SHROOM2: variants seen among roughly 807,000 people sequenced by gnomAD.
SHROOM2 encodes protein Shroom2.
SHROOM2 carries 33 observed loss-of-function variants against 75.9 expected under a neutral mutation model. That is an observed-to-expected ratio of 0.43 (90% CI 0.33 to 0.58). SHROOM2 has a LOEUF of 0.58. SHROOM2 is among the 20% of genes least tolerant of loss of function. The probability of loss-of-function intolerance (pLI) is 0.04; values close to 1 mark genes in which losing one functional copy is unlikely to be tolerated. For synonymous variants in SHROOM2, 655 were observed against 663.6 expected (o/e 0.99, Z 0.20); for missense variants, 1,434 against 1,461.2 (o/e 0.98, Z 0.30).
At chrX:9,912,413 G>A (rs1034807737) in intron 5 of SHROOM2, 2 of 111,804 alleles carry the variant, frequency 1.8e-5, no homozygotes, top group Non-Finnish European at 3.8e-5. Context: ...GAAGGTTGAC[G>A]GAGCCTGCGT....
intron 1 of SHROOM2, among the ~76,000 whole-genome samples, chrX:9,808,875 T>C (rs1038510188): frequency 3.6e-5 from 4 of 110,364 alleles, no homozygotes; most frequent in East Asian, 2.9e-4. Flanking sequence ...AAAAAAATAA[T>C]AAAAATAAAT....
intron 5 of SHROOM2, among the ~76,000 whole-genome samples, chrX:9,915,875 C>T (rs1017204015): frequency 8.9e-6 from 1 of 111,824 alleles, no homozygotes; most frequent in South Asian, 3.7e-4. Context: ...TTTGGGGTCA[C>T]GTGCAATTGT....
intron 1 of SHROOM2, among the ~76,000 whole-genome samples, chrX:9,857,447 T>G (rs2084077724): frequency 9.1e-6 from 1 of 109,417 alleles, no homozygotes; most frequent in Admixed American, 9.8e-5. Context: ...TGCAGAGTGG[T>G]GCAGTCACGG....
chrX:9,833,987 CA>C (rs1569144985), intron 1 of SHROOM2, among the ~76,000 whole-genome samples: 1 of 110,737 alleles, frequency 9.0e-6, no homozygotes, highest in African/African-American at 3.3e-5. Context: ...CTGAGGTTCC[CA>C]TCTACACTAG....
intron 1 of SHROOM2, among the ~76,000 whole-genome samples, chrX:9,794,114 G>A (rs2083681997): frequency 1.8e-5 from 2 of 111,785 alleles, no homozygotes; most frequent in South Asian, 7.5e-4. Flanking sequence ...TGCTATCACT[G>A]CTGAGTCTGG....
chrX:9,875,183 G>C (rs2084193831), intron 2 of SHROOM2, among the ~76,000 whole-genome samples: 1 of 103,142 alleles, frequency 9.7e-6, no homozygotes, highest in Non-Finnish European at 2.0e-5. Context: ...TGCTATTCCT[G>C]AGCACCCTTT....
chrX:9,923,839 C>A (rs1326798062), intron 5 of SHROOM2, among the ~76,000 whole-genome samples: 1 of 112,268 alleles, frequency 8.9e-6, no homozygotes, highest in Non-Finnish European at 1.9e-5. Context: ...TGATTTGGAT[C>A]ATCTGTGCTT....
rs1486512792 is a variant in SHROOM2, at chrX:9,895,663, C to T, written c.1755C>T (p.Pro585=). The T allele has an allele frequency of 6.0e-6, 7 of 1,171,401 alleles. No homozygotes were observed. The highest frequency in any genetic ancestry group is 8.0e-6 in the Non-Finnish European group (7 of 879,150). ...GCAGGATCTGCCCGCAGGAGACGCC[C>T]CTGTTGCACTCCCTGACCCAGGAGG... ...ESSRICPQET[P]LLHSLTQEGK... The change falls in exon 4 of 10, where the codon CCC becomes CCT. Residue 585 remains proline (P), a synonymous_variant. Transcript: ENST00000380913.
chrX:9,838,925 G>A (rs1025721246), intron 1 of SHROOM2, among the ~76,000 whole-genome samples: 7 of 111,513 alleles, frequency 6.3e-5, no homozygotes, highest in African/African-American at 2.3e-4. Flanking sequence ...TGGTTGCCTG[G>A]GGCTGTGGTG....
At position 9,937,643 on chromosome X, in the gene SHROOM2, A is replaced by G. The variant is rs1263054876; in HGVS notation, c.4097A>G (p.Lys1366Arg). 8.3e-7 allele frequency: 1 copy of G among 1,204,061 alleles called. No individual in the cohort carries two copies. Among genetic ancestry groups the G allele is most frequent in the Non-Finnish European group, 1.1e-6 (1 of 892,215 alleles). ...HLLEEAQQRR[K>R]LLPKIPSPRS... The stretch of plus-strand genomic sequence containing the variant: ...CTGGAAGAAGCCCAGCAACGGAGGA[A>G]GCTGCTCCCCAAAATCCCCTCTCCT... Residue 1366 changes from lysine (K) to arginine (R), a missense_variant, in exon 7 of 10, where the codon AAG becomes AGG. This residue lies in a region of SHROOM2 where 1,340 missense variants were observed against 1,338.3 expected (regional missense o/e 1.00). Coordinates refer to ENST00000380913, the MANE Select transcript of SHROOM2 (RefSeq NM_001649.4).
intron 5 of SHROOM2, among the ~76,000 whole-genome samples, chrX:9,922,495 G>A (rs1206314444): frequency 9.1e-6 from 1 of 110,129 alleles, no homozygotes; most frequent in Non-Finnish European, 1.9e-5. Flanking sequence ...CTCTTCTTGA[G>A]CTTCATGTAA....
chrX:9,792,454 G>GTTTTTTTTTTTT (rs34640554), intron 1 of SHROOM2, among the ~76,000 whole-genome samples: 2 of 98,239 alleles, frequency 2.0e-5, no homozygotes, highest in Non-Finnish European at 4.2e-5. Flanking sequence ...GTTTTTTTGT[G>GTTTTTTTTTTTT]TTGTTTTTTT....
intron 1 of SHROOM2, among the ~76,000 whole-genome samples, chrX:9,801,897 G>A (rs990012337): frequency 6.3e-5 from 7 of 111,061 alleles, no homozygotes; most frequent in Admixed American, 5.8e-4. Context: ...TTGAGGCTGC[G>A]GTGAGCTGTG....
chrX:9,885,619 G>A (rs752981676), intron 2 of SHROOM2, among the ~76,000 whole-genome samples: 1 of 111,551 alleles, frequency 9.0e-6, no homozygotes, highest in Non-Finnish European at 1.9e-5. Context: ...AGCAGAAAGA[G>A]TGCAACTCTT....
At chrX:9,839,292 C>T (rs1045021581) in intron 1 of SHROOM2, among the ~76,000 whole-genome samples, 1 of 111,284 alleles carries the variant, frequency 9.0e-6, no homozygotes, top group Admixed American at 9.6e-5. Context: ...GTTTTTTTAC[C>T]ATCACCCTCT....
At chrX:9,794,491 T>C (rs1447063576) in intron 1 of SHROOM2, among the ~76,000 whole-genome samples, 1 of 111,325 alleles carries the variant, frequency 9.0e-6, no homozygotes, top group Admixed American at 9.6e-5. Flanking sequence ...TGCCTCAGCC[T>C]CCTGAGTAGC....
At chrX:9,936,545 G>A (rs892239001) in intron 6 of SHROOM2, among the ~76,000 whole-genome samples, 2 of 112,201 alleles carry the variant, frequency 1.8e-5, no homozygotes, top group Non-Finnish European at 3.8e-5. Context: ...ACAGCGGGCG[G>A]GGGGTACAAG....
chrX:9,831,199 G>C (rs980653753), intron 1 of SHROOM2, among the ~76,000 whole-genome samples: 7 of 112,324 alleles, frequency 6.2e-5, no homozygotes, highest in Non-Finnish European at 1.3e-4. Flanking sequence ...TTTGGGGCTT[G>C]ATGATTCTTT....
rs753477705 is a variant in SHROOM2, at chrX:9,896,028, G to A, written c.2120G>A (p.Gly707Glu). ...CGCCGCGACTTGGACCCCAACCCAG[G>A]AGACCTATACCCGGAGTCACTGGAA... ...FKRRDLDPNP[G>E]DLYPESLEHR... is the part of the protein sequence containing the mutation. The change falls in exon 4 of 10, where the codon GGA becomes GAA. Residue 707 changes from glycine to glutamate, a missense_variant. Physicochemically the swap from Gly to Glu is moderately conservative, Grantham distance 98 (BLOSUM62 -2). Transcript: ENST00000380913. The A allele has an allele frequency of 5.0e-6, 6 of 1,209,328 alleles. No homozygotes were observed. The African/African-American group carries it at 7.0e-5, about 14-fold the overall frequency.
Sources: gnomAD v4.1 joint callset for allele counts (sites outside exome capture counted in the v4.1 genomes callset) on GRCh38, gnomAD v4.1.1 for gene constraint, gnomAD v4.1.1 regional missense constraint, MANE v1.5 for transcripts, NCBI Gene and HGNC (gene_info 2026-07-23, HGNC 2026-07-21) for gene names.